The following EXOC4 variants were observed in gnomAD, a reference collection of about 807,000 sequenced individuals.
EXOC4 encodes exocyst complex component 4, also known as SEC8-like 1.
EXOC4 carries 71 observed loss-of-function variants against 107.2 expected under a neutral mutation model. The ratio of observed to expected loss-of-function variants is 0.66; its 90% CI spans 0.55 to 0.81. The LOEUF (loss-of-function observed/expected upper bound fraction) is 0.81, where lower values mean the gene tolerates loss of function less well. EXOC4 is among the 30% of genes least tolerant of loss of function. The probability of loss-of-function intolerance (pLI) is 0.00; values close to 1 mark genes in which losing one functional copy is unlikely to be tolerated. For synonymous variants in EXOC4, 456 were observed against 441.2 expected (o/e 1.03, Z -0.42); for missense variants, 1,108 against 1,189.6 (o/e 0.93, Z 1.01).
At chr7:133,464,810 G>GTTTT (rs1491525276) in intron 7 of EXOC4, among the ~76,000 whole-genome samples, 1 of 105,686 alleles carries the variant, frequency 9.5e-6, no homozygotes, top group Non-Finnish European at 1.7e-5. Context: ...TGGTTGGGTT[G>GTTTT]GTTTTTTTTT....
At chr7:133,454,273 T>C (rs1798413987) in intron 7 of EXOC4, among the ~76,000 whole-genome samples, 1 of 152,196 alleles carries the variant, frequency 6.6e-6, no homozygotes, top group Non-Finnish European at 1.5e-5. Flanking sequence ...TTTAAATAAT[T>C]TCTCCAACAC....
intron 10 of EXOC4, among the ~76,000 whole-genome samples, chr7:133,766,017 A>G (rs955273756): frequency 1.3e-5 from 2 of 151,990 alleles, no homozygotes; most frequent in Non-Finnish European, 2.9e-5. Context: ...TAAAGTTCAG[A>G]TGGAGCTAAA....
rs772942083 is a variant in EXOC4 at position 133,356,281 on chromosome 7, G to T, written c.764-49G>T. On this transcript the variant is annotated intron_variant, in intron 5 of 17. Coordinates refer to ENST00000253861, the MANE Select transcript of EXOC4 (RefSeq NM_021807.4). ...GTTTATTAGACTGCTCTGTTTTGGG[G>T]TTTTTGAGTGGAGTCTGTATCTATT... is the stretch of plus-strand genomic sequence containing the variant. The T allele has an allele frequency of 1.1e-5, 18 of 1,594,316 alleles. No homozygotes were observed. The African/African-American group carries it at 2.4e-4, about 22-fold the overall frequency.
chr7:133,719,801 T>C lies in EXOC4; in HGVS notation c.1514+89660T>C, dbSNP rs1585100935. On this transcript the variant is annotated intron_variant, in intron 10 of 17. Transcript: ENST00000253861. ...TTCAAGAAATAGTAATTGTTTTTAA[T>C]GTAGCGAGCCAGAGTTCTATAAAAG... Among the ~76,000 whole-genome samples the C allele has an allele frequency of 2.0e-5, 3 of 152,320 alleles. No homozygotes were observed. In the South Asian group the frequency reaches 6.2e-4, roughly 32 times the overall value.
intron 13 of EXOC4, among the ~76,000 whole-genome samples, 197 bp from the exon 14 acceptor site, chr7:133,937,694 C>T (rs1226623044): frequency 6.6e-6 from 1 of 152,120 alleles, no homozygotes; most frequent in African/African-American, 2.4e-5. Context: ...TTTCTTCTTC[C>T]AAGAACTTTT....
At chr7:133,457,804 T>A (rs1398470268) in intron 7 of EXOC4, among the ~76,000 whole-genome samples, 1 of 152,214 alleles carries the variant, frequency 6.6e-6, no homozygotes, top group Non-Finnish European at 1.5e-5. Flanking sequence ...TTTTCACTTA[T>A]GGATTTCTTT....
intron 7 of EXOC4, among the ~76,000 whole-genome samples, chr7:133,414,468 T>C (rs1317157787): frequency 2.0e-5 from 3 of 152,172 alleles, no homozygotes; most frequent in Admixed American, 1.3e-4. Context: ...CCTTTATGTG[T>C]TAGCCTAGGA....
At chr7:133,753,219 G>A (rs1203080415) in intron 10 of EXOC4, among the ~76,000 whole-genome samples, 1 of 152,192 alleles carries the variant, frequency 6.6e-6, no homozygotes, top group Non-Finnish European at 1.5e-5. Context: ...ATTAGGAATA[G>A]GAATGGGAAG....
chr7:134,064,682 T>C lies in EXOC4; in HGVS notation c.*154T>C, dbSNP rs940871423. The C allele has an allele frequency of 6.9e-5, 36 of 521,580 alleles. No individual in the cohort carries two copies. The highest frequency in any genetic ancestry group is 1.1e-4 in the Non-Finnish European group (35 of 306,422). 32.3% of individuals were successfully genotyped at this position (521,580 alleles called of 1,614,324 possible). A position where few individuals can be genotyped will look rare whatever the true frequency, so the allele number is the denominator to read the frequency against. ...ATTCTTTCTCTCTGGTTTTGGCTTTTCATATAAATGCTAAAGGAAGGCGAC... is the reference window on the plus strand; with the variant it reads ...ATTCTTTCTCTCTGGTTTTGGCTTTCCATATAAATGCTAAAGGAAGGCGAC... On this transcript the variant is annotated 3_prime_UTR_variant, in exon 18 of 18. Transcript: ENST00000253861.
At chr7:133,286,095 A>G (rs1392112785) in intron 2 of EXOC4, among the ~76,000 whole-genome samples, 1 of 151,878 alleles carries the variant, frequency 6.6e-6, no homozygotes, top group Non-Finnish European at 1.5e-5. Context: ...TTTTTTAACT[A>G]TTTTTCTCTA....
intron 12 of EXOC4, among the ~76,000 whole-genome samples, chr7:133,914,899 A>G (rs1300489405): frequency 6.6e-6 from 1 of 152,216 alleles, no homozygotes; most frequent in Admixed American, 6.5e-5. Flanking sequence ...AAGAATATAA[A>G]GCCACTTCAT....
At chr7:133,975,285 G>A (rs897564752) in intron 14 of EXOC4, among the ~76,000 whole-genome samples, 3 of 152,082 alleles carry the variant, frequency 2.0e-5, no homozygotes, top group Non-Finnish European at 4.4e-5. Flanking sequence ...GGGGATAGTA[G>A]GGATGGTTTC....
intron 7 of EXOC4, among the ~76,000 whole-genome samples, chr7:133,410,871 G>A (rs1797340720): frequency 6.6e-6 from 1 of 152,046 alleles, no homozygotes; most frequent in Non-Finnish European, 1.5e-5. Flanking sequence ...AGATATCATT[G>A]ATGTATCACC....
At chr7:134,085,007 A>C in the EXOC4 span, among the ~76,000 whole-genome samples, 1 of 152,168 alleles carries the variant, frequency 6.6e-6, no homozygotes, top group Non-Finnish European at 1.5e-5. Flanking sequence ...CCTTTTTTGA[A>C]CACAGTTTGA....
chr7:133,562,966 G>A (rs1274564448), intron 9 of EXOC4, among the ~76,000 whole-genome samples: 1 of 152,144 alleles, frequency 6.6e-6, no homozygotes, highest in African/African-American at 2.4e-5. Context: ...GGATGACTGT[G>A]GTGATGCATG....
chr7:133,382,894 C>T (rs1796648717), intron 7 of EXOC4, among the ~76,000 whole-genome samples: 1 of 152,152 alleles, frequency 6.6e-6, no homozygotes, highest in Non-Finnish European at 1.5e-5. Context: ...TCATTTGTCT[C>T]AGCGTGTTTT....
At chr7:133,297,945 A>G (rs1327045844) in intron 3 of EXOC4, among the ~76,000 whole-genome samples, 1 of 152,206 alleles carries the variant, frequency 6.6e-6, no homozygotes. Flanking sequence ...TCAACCTCAC[A>G]TACGACCTTT....
chr7:133,385,149 A>G (rs1796701050), intron 7 of EXOC4, among the ~76,000 whole-genome samples: 1 of 152,210 alleles, frequency 6.6e-6, no homozygotes, highest in African/African-American at 2.4e-5. Flanking sequence ...TAAAGGGTGA[A>G]GGCTGCAGGT....
intron 9 of EXOC4, among the ~76,000 whole-genome samples, chr7:133,553,185 GTT>G (rs1380220351): frequency 2.0e-5 from 3 of 152,152 alleles, no homozygotes; most frequent in African/African-American, 7.2e-5. Flanking sequence ...GATATGAAGT[GTT>G]TTATAAAGTG....
Sources: gnomAD v4.1 joint callset for allele counts (sites outside exome capture counted in the v4.1 genomes callset) on GRCh38, gnomAD v4.1.1 for gene constraint, MANE v1.5 for transcripts, NCBI Gene and HGNC (gene_info 2026-07-23, HGNC 2026-07-21) for gene names.